Variants in CLVS1 observed in about 807,000 individuals in gnomAD.
CLVS1 encodes clavesin-1.
CLVS1 carries 10 observed loss-of-function variants against 33.1 expected under a neutral mutation model. That is an observed-to-expected ratio of 0.30 (90% CI 0.19 to 0.51). CLVS1 has a LOEUF of 0.51. Among genes scored for constraint, CLVS1 ranks in the 20% least tolerant of loss-of-function variants. The probability of loss-of-function intolerance (pLI) is 0.97; values close to 1 mark genes in which losing one functional copy is unlikely to be tolerated. For missense variants in CLVS1, 343 were observed against 433.4 expected (o/e 0.79, Z 1.85); for synonymous variants, 163 against 166.1 (o/e 0.98, Z 0.14).
chr8:61,397,514 G>A (rs1234930231), intron 3 of CLVS1, among the ~76,000 whole-genome samples: 3 of 152,012 alleles, frequency 2.0e-5, no homozygotes, highest in Non-Finnish European at 4.4e-5. Context: ...AGGCATAAAG[G>A]TTTCAATTTT....
At chr8:61,312,229 G>A (rs1810854971) in intron 2 of CLVS1, among the ~76,000 whole-genome samples, 1 of 152,118 alleles carries the variant, frequency 6.6e-6, no homozygotes, top group Admixed American at 6.5e-5. Flanking sequence ...ATAACCACCT[G>A]CCAGCTCCCC....
chr8:61,059,704 G>A (rs935560398), intron 1 of CLVS1, among the ~76,000 whole-genome samples: 5 of 151,110 alleles, frequency 3.3e-5, no homozygotes, highest in Non-Finnish European at 7.4e-5. Context: ...CCAGCTACTC[G>A]GGAGGCTGAG....
chr8:61,461,958 A>C (rs1242707273), intron 5 of CLVS1, among the ~76,000 whole-genome samples: 1 of 152,158 alleles, frequency 6.6e-6, no homozygotes, highest in African/African-American at 2.4e-5. Flanking sequence ...TATTTCCTCA[A>C]CATTCATAGT....
the CLVS1 span, among the ~76,000 whole-genome samples, chr8:61,003,933 G>T: frequency 6.6e-6 from 1 of 152,214 alleles, no homozygotes; most frequent in East Asian, 1.9e-4. Flanking sequence ...GGGTCAGGAG[G>T]TAATGCAGTG....
At chr8:61,478,705 G>A (rs2129608069) in intron 5 of CLVS1, among the ~76,000 whole-genome samples, 1 of 152,242 alleles carries the variant, frequency 6.6e-6, no homozygotes, top group East Asian at 1.9e-4. Context: ...TTGAGCCTAT[G>A]TTTGTCTCTG....
At chr8:61,004,698 GA>G in the CLVS1 span, among the ~76,000 whole-genome samples, 1 of 152,204 alleles carries the variant, frequency 6.6e-6, no homozygotes, top group Non-Finnish European at 1.5e-5. Flanking sequence ...CGCGGGCCTG[GA>G]GGAGCCGGCA....
At chr8:61,360,494 G>A (rs945163513) in intron 2 of CLVS1, among the ~76,000 whole-genome samples, 84 of 152,256 alleles carry the variant, frequency 5.5e-4, no homozygotes, top group African/African-American at 1.9e-3. Context: ...TCTAAGAGAG[G>A]CCAGCCCAAG....
At chr8:61,014,339 A>C in the CLVS1 span, among the ~76,000 whole-genome samples, 2 of 152,138 alleles carry the variant, frequency 1.3e-5, no homozygotes, top group African/African-American at 4.8e-5. Context: ...TGCTTTAATG[A>C]GCATGTCTCC....
In CLVS1 at chr8:61,120,628, T is replaced by A. The variant is rs10106348; in HGVS notation, c.-242-11142T>A. Among the ~76,000 whole-genome samples, 318 of 126,650 alleles carry A rather than the reference T, an allele frequency of 2.5e-3. 4 individuals are homozygous for A. Among genetic ancestry groups the A allele is most frequent in the African/African-American group, 9.9e-3 (300 of 30,162 alleles). 83.1% of individuals were successfully genotyped at this position (126,650 alleles called of 152,430 possible). Reference sequence around the variant, plus strand: ...CAGCTGCAGGTCTGTTGGAATACCCTGCCGTGTGAGGTGTCAGTCTGCCCC... The same window carrying A: ...CAGCTGCAGGTCTGTTGGAATACCCAGCCGTGTGAGGTGTCAGTCTGCCCC... On this transcript the variant is annotated intron_variant, in intron 1 of 2. Transcript: ENST00000522621.
chr8:61,385,379 T>G (rs1204508208), intron 3 of CLVS1, among the ~76,000 whole-genome samples: 1 of 152,234 alleles, frequency 6.6e-6, no homozygotes, highest in Non-Finnish European at 1.5e-5. Context: ...ATTACAAGTT[T>G]CTAGTCCTGT....
intron 2 of CLVS1, among the ~76,000 whole-genome samples, chr8:61,268,302 T>C (rs1053072354): frequency 6.6e-6 from 1 of 151,972 alleles, no homozygotes; most frequent in Non-Finnish European, 1.5e-5. Context: ...GTACTGAGAA[T>C]GATGTTTTCC....
intron 2 of CLVS1, among the ~76,000 whole-genome samples, chr8:61,197,402 T>C (rs1563441232): frequency 6.6e-6 from 1 of 152,226 alleles, no homozygotes; most frequent in Non-Finnish European, 1.5e-5. Context: ...TCCATTGGTC[T>C]ATGTGTCTGT....
chr8:61,481,946 C>T (rs938360712), intron 5 of CLVS1, among the ~76,000 whole-genome samples: 7 of 152,198 alleles, frequency 4.6e-5, no homozygotes, highest in Non-Finnish European at 8.8e-5. Context: ...GAGACATCTC[C>T]CAGTAGGGGC....
chr8:60,978,809 C>CAAAAAAAAAAAAAA, the CLVS1 span, among the ~76,000 whole-genome samples: 1 of 22,516 alleles, frequency 4.4e-5, no homozygotes, highest in Non-Finnish European at 7.9e-5. Context: ...GACTCCATCT[C>CAAAAAAAAAAAAAA]AAAAAAAAAA....
chr8:61,012,127 G>C, the CLVS1 span, among the ~76,000 whole-genome samples: 1 of 152,202 alleles, frequency 6.6e-6, no homozygotes, highest in African/African-American at 2.4e-5. Flanking sequence ...GATGGCTCTG[G>C]AGAGCAAAGA....
intron 2 of CLVS1, among the ~76,000 whole-genome samples, chr8:61,256,899 T>C (rs1350628743): frequency 6.6e-6 from 1 of 152,220 alleles, no homozygotes; most frequent in African/African-American, 2.4e-5. Context: ...AATCCAGAGC[T>C]TCTTAATTAC....
intron 2 of CLVS1, among the ~76,000 whole-genome samples, chr8:61,162,573 T>A (rs1412407473): frequency 6.6e-6 from 1 of 152,248 alleles, no homozygotes; most frequent in Admixed American, 6.5e-5. Context: ...TTTCTCTCTT[T>A]CCTATCAAAA....
intron 3 of CLVS1, among the ~76,000 whole-genome samples, chr8:61,450,393 A>G (rs905407883): frequency 6.6e-6 from 1 of 152,234 alleles, no homozygotes; most frequent in African/African-American, 2.4e-5. Flanking sequence ...TGAAATCACC[A>G]TAAAATGATA....
the CLVS1 span, among the ~76,000 whole-genome samples, chr8:61,033,696 G>C: frequency 6.6e-6 from 1 of 152,216 alleles, no homozygotes; most frequent in Admixed American, 6.5e-5. Flanking sequence ...ACCTGGCTGG[G>C]GGGGCACTTC....
Sources: gnomAD v4.1 joint callset for allele counts (sites outside exome capture counted in the v4.1 genomes callset) on GRCh38, gnomAD v4.1.1 for gene constraint, MANE v1.5 for transcripts, NCBI Gene and HGNC (gene_info 2026-07-23, HGNC 2026-07-21) for gene names.